DBH: variants seen among roughly 807,000 people sequenced by gnomAD.
The protein encoded by DBH is dopamine beta-hydroxylase, also known as dopamine beta-hydroxylase (dopamine beta-monooxygenase).
DBH carries 49 observed loss-of-function variants against 64.0 expected under a neutral mutation model. The ratio of observed to expected loss-of-function variants is 0.77; its 90% confidence interval spans 0.61 to 0.97. The LOEUF (loss-of-function observed/expected upper bound fraction) is 0.97, where lower values mean the gene tolerates loss of function less well. Ranked by LOEUF, DBH falls within the 50% of genes least tolerant of loss-of-function variation. DBH has a pLI of 0.00. For missense variants in DBH, 828 were observed against 826.6 expected (o/e 1.00, Z -0.02); for synonymous variants, 343 against 347.1 (o/e 0.99, Z 0.13).
chr9:133,650,675 G>A (rs1174933335), intron 6 of DBH, among the ~76,000 whole-genome samples: 1 of 151,382 alleles, frequency 6.6e-6, no homozygotes, highest in Non-Finnish European at 1.5e-5. Context: ...AGCCTCCTGA[G>A]TAGCTGGGAT....
chr9:133,638,016 C>T (rs1832072512), intron 1 of DBH, among the ~76,000 whole-genome samples: 1 of 152,368 alleles, frequency 6.6e-6, no homozygotes, highest in East Asian at 1.9e-4. Context: ...CAAGCCTCTG[C>T]CATGAGGCAC....
At position 133,643,328 on chromosome 9, in the gene DBH, G is replaced by T; in HGVS notation, c.745-85G>T. On this transcript the variant is annotated intron_variant, in intron 3 of 11. Coordinates refer to ENST00000393056, the MANE Select transcript of DBH (RefSeq NM_000787.4). This position sits in a 1 kb window ranked among gnomAD's most constrained non-coding sequence, Gnocchi z 5.3. Reference sequence around the variant, plus strand: ...ATCATCCCTCCCATTTTACAGATGGGCATTCGGAAGCCCATGGAGGAGGGC... The same window carrying T: ...ATCATCCCTCCCATTTTACAGATGGTCATTCGGAAGCCCATGGAGGAGGGC... 1 of 1,400,422 alleles carries T rather than the reference G, an allele frequency of 7.1e-7. No individual in the cohort carries two copies. The highest frequency in any genetic ancestry group is 1.4e-5 in the African/African-American group (1 of 69,682). The allele number at this position is 1,400,422 out of a possible 1,614,324, so 86.7% of individuals were successfully genotyped here.
intron 6 of DBH, 85 bp from the exon 7 acceptor site, chr9:133,651,549 G>A: frequency 6.4e-7 from 1 of 1,562,502 alleles, no homozygotes; most frequent in Admixed American, 1.7e-5. Flanking sequence ...TGCCCAGGGT[G>A]GCTGCTCCCT....
intron 1 of DBH, among the ~76,000 whole-genome samples, chr9:133,637,965 G>A (rs1373248393): frequency 1.3e-5 from 2 of 152,236 alleles, no homozygotes; most frequent in Non-Finnish European, 2.9e-5. Context: ...GCCGTCTGGA[G>A]GAGCAGCTGA....
Position 133,647,855 on chromosome 9 carries a change from ACTC to A in DBH, c.1038_1040del (p.Ser347del). 1 of 1,613,726 alleles carries A rather than the reference ACTC, an allele frequency of 6.2e-7. No homozygotes were observed. Among genetic ancestry groups the A allele is most frequent in the Non-Finnish European group, 8.5e-7 (1 of 1,179,922 alleles). ...TCCCACCTTCTCCCAGGACGAAACGACTCCTCAGGCATCCGCTTGTACTACACA... is the reference window on the plus strand; with the variant it reads ...TCCCACCTTCTCCCAGGACGAAACGACTCAGGCATCCGCTTGTACTACACA... On this transcript the variant is annotated inframe_deletion, in exon 6 of 12. Transcript: ENST00000393056.
chr9:133,652,374 C>A, intron 8 of DBH, 90 bp downstream of exon 8: 1 of 1,493,286 alleles, frequency 6.7e-7, no homozygotes. Context: ...GAGAGGGACA[C>A]AGAAAGTGAT....
chr9:133,654,197 G>C (rs1213414930), intron 9 of DBH, among the ~76,000 whole-genome samples: 2 of 151,912 alleles, frequency 1.3e-5, no homozygotes, highest in African/African-American at 2.4e-5. Flanking sequence ...TCCACCTCCC[G>C]AGTTCAACCG....
intron 6 of DBH, 41 bp from the exon 7 acceptor site, chr9:133,651,592 TC>T (rs781763536): frequency 1.2e-5 from 20 of 1,611,554 alleles, no homozygotes; most frequent in Non-Finnish European, 1.7e-5. Flanking sequence ...GAGGGTCCCC[TC>T]GGGGGTCAGG....
At chr9:133,657,417 A>AGATAGAG (rs1832340146) in intron 11 of DBH, 188 bp downstream of exon 11, 1 of 36,928 alleles carries the variant, frequency 2.7e-5, no homozygotes, top group Non-Finnish European at 5.0e-5. Flanking sequence ...AGGAGAGAGG[A>AGATAGAG]GAGAGAGGAG....
At chr9:133,644,865 T>C (rs1832162831) in intron 5 of DBH, among the ~76,000 whole-genome samples, 1 of 152,098 alleles carries the variant, frequency 6.6e-6, no homozygotes, top group African/African-American at 2.4e-5. Flanking sequence ...GGTGATGCTG[T>C]CTCAGAAACT....
rs529732819 is a variant in DBH, at chr9:133,657,155, G to A, written c.1648G>A (p.Asp550Asn). The A allele has an allele frequency of 6.2e-6, 10 of 1,614,084 alleles. No homozygotes were observed. The African/African-American group carries it at 9.3e-5, about 15-fold the overall frequency. The part of the protein sequence containing the change: ...TSVPWNSFNR[D>N]VLKALYSFAP... ...TGTTCCCTGGAACTCCTTCAACCGC[G>A]ACGTACTGAAGGCCCTGTACAGCTT... is the stretch of plus-strand genomic sequence containing the variant. The change falls in exon 11 of 12, where the codon GAC becomes AAC. Residue 550 changes from aspartate to asparagine, a missense_variant. Physicochemically the swap from Asp to Asn is conservative, Grantham distance 23. Coordinates refer to ENST00000393056, the MANE Select transcript of DBH (RefSeq NM_000787.4).
At chr9:133,657,327 A>G in intron 11 of DBH, 98 bp downstream of exon 11, 3 of 1,449,574 alleles carry the variant, frequency 2.1e-6, no homozygotes, top group Middle Eastern at 1.8e-4. Flanking sequence ...CTGCTGGCAA[A>G]AGCACTCGCA....
rs143409547 is a variant in DBH, at chr9:133,637,354, G to A, written c.339+644G>A. Among the ~76,000 whole-genome samples, 894 of 152,370 alleles carry A rather than the reference G, an allele frequency of 5.9e-3. 5 individuals are homozygous for A. The highest frequency in any genetic ancestry group is 0.02 in the African/African-American group (838 of 41,594). The stretch of plus-strand genomic sequence containing the variant: ...TTCACAGGGTGGAGAAAGGGGAAAA[G>A]TTTCCCTTCAAACTGGAGGGGACTT... On this transcript the variant is annotated intron_variant, in intron 1 of 11. Coordinates refer to ENST00000393056, the MANE Select transcript of DBH (RefSeq NM_000787.4).
At position 133,642,197 on chromosome 9, in the gene DBH, TC is replaced by T; in HGVS notation, c.487-9del. On this transcript the variant is annotated splice_polypyrimidine_tract_variant and intron_variant, in intron 2 of 11. Transcript: ENST00000393056. ...AGAGGGCGACCAGCTGAACCCTGTC[TC>T]GGCTGCAGGACGGCACTGTCCACTT... 1 of 1,612,520 alleles carries T rather than the reference TC, an allele frequency of 6.2e-7. No homozygotes were observed. The highest frequency in any genetic ancestry group is 1.1e-5 in the South Asian group (1 of 91,046).
intron 6 of DBH, among the ~76,000 whole-genome samples, chr9:133,650,072 C>T (rs1156870406): frequency 6.6e-6 from 1 of 152,234 alleles, no homozygotes; most frequent in East Asian, 1.9e-4. Context: ...CTCCCTCCAC[C>T]TGGCCGACAC....
chr9:133,647,994 G>T lies in DBH; in HGVS notation c.1173G>T (p.Thr391=). The T allele has an allele frequency of 6.2e-7, 1 of 1,612,838 alleles. No individual in the cohort carries two copies. The highest frequency in any genetic ancestry group is 8.5e-7 in the Non-Finnish European group (1 of 1,179,744). ...CCTTCATCCTCACTGGCTACTGCAC[G>T]GACAAGTGCACCCAGCTGGTGAGTG... The part of the protein sequence containing the change: ...ETAFILTGYC[T]DKCTQLALPP... Residue 391 remains threonine, a synonymous_variant, in exon 6 of 12, where the codon ACG becomes ACT. Coordinates refer to ENST00000393056, the MANE Select transcript of DBH (RefSeq NM_000787.4).
intron 8 of DBH, among the ~76,000 whole-genome samples, chr9:133,652,626 G>A (rs1219792153): frequency 1.3e-5 from 2 of 152,196 alleles, no homozygotes; most frequent in African/African-American, 4.8e-5. Context: ...AGAGGGCCAA[G>A]CCCAGGCCTC....
In DBH at chr9:133,642,385, A is replaced by G. The variant is rs893261704; in HGVS notation, c.665A>G (p.Gln222Arg). 1 of 1,614,092 alleles carries G rather than the reference A, an allele frequency of 6.2e-7. No individual in the cohort carries two copies. Among genetic ancestry groups the G allele is most frequent in the African/African-American group, 1.3e-5 (1 of 75,018 alleles). The change falls in exon 3 of 12, where the codon CAG becomes CGG. Residue 222 changes from glutamine to arginine, a missense_variant. Transcript: ENST00000393056. The part of the protein sequence containing the change: ...CTMEVQAPNI[Q>R]IPSQETTYWC... ...ATGGAGGTCCAAGCTCCCAATATCC[A>G]GATCCCCAGCCAGGAGACCACGTAC...
At chr9:133,650,460 TTTTCTTTTTC>T (rs767338263) in intron 6 of DBH, among the ~76,000 whole-genome samples, 10 of 134,864 alleles carry the variant, frequency 7.4e-5, no homozygotes, top group Admixed American at 1.4e-4. Context: ...CTTTCCTTTC[TTTTCTTTTTC>T]TTTCTTTTTC....
Sources: allele counts gnomAD v4.1 joint callset (sites outside exome capture counted in the v4.1 genomes callset), GRCh38; gene constraint gnomAD v4.1.1; non-coding constraint Gnocchi (gnomAD v3.1); transcripts MANE v1.5; gene names NCBI Gene and HGNC (gene_info 2026-07-23, HGNC 2026-07-21).